The following MKKS variants were observed in gnomAD, a reference collection of about 807,000 sequenced individuals.
The protein encoded by MKKS is MKKS centrosomal shuttling protein, also known as molecular chaperone MKKS.
Under a neutral mutation model 33.2 loss-of-function variants are expected in MKKS, and 29 were observed. The ratio of observed to expected loss-of-function variants is 0.87; its 90% CI spans 0.65 to 1.19. The LOEUF (loss-of-function observed/expected upper bound fraction) is 1.19, where lower values mean the gene tolerates loss of function less well. Among genes scored for constraint, MKKS ranks in the 50% most tolerant of loss-of-function variants. The pLI is 0.00. For missense variants in MKKS, 661 were observed against 662.3 expected (o/e 1.00, Z 0.02); for synonymous variants, 260 against 244.0 (o/e 1.07, Z -0.61).
At position 10,413,310 on chromosome 20, in the gene MKKS, C is replaced by G. The variant is rs200322204; in HGVS notation, c.205G>C (p.Val69Leu). 1 of 1,614,140 alleles carries G rather than the reference C, an allele frequency of 6.2e-7. No homozygotes were observed. Among genetic ancestry groups the G allele is most frequent in the East Asian group, 2.2e-5 (1 of 44,870 alleles). ...QSSALLSHLL[V>L]THPILKILTA... ...AGGATCTTTAAAATGGGATGTGTGA[C>G]CAAAAGGTGACTGAGCAGAGCTGAG... Residue 69 changes from valine (V) to leucine (L), a missense_variant, in exon 3 of 6, where the codon GTC (valine) becomes CTC (leucine). Physicochemically the swap from Val to Leu is conservative, Grantham distance 32. Coordinates refer to ENST00000347364, the MANE Select transcript of MKKS (RefSeq NM_170784.3).
chr20:10,405,257 T>C lies in MKKS; in HGVS notation c.1703A>G (p.Asp568Gly). 1 of 1,610,738 alleles carries C rather than the reference T, an allele frequency of 6.2e-7. No homozygotes were observed. Among genetic ancestry groups the C allele is most frequent in the Non-Finnish European group, 8.5e-7 (1 of 1,178,228 alleles). ...GAACATGCTATTCTCTTAGTTTTTA[T>C]CTTCAATAACATATGAAAGATCCAA... ...LILDLSYVIE[D>G]KN The change falls in exon 6 of 6, where the codon GAT (aspartate) becomes GGT (glycine). Residue 568 changes from aspartate (D) to glycine (G), a missense_variant. Transcript: ENST00000347364.
chr20:10,405,164 G>T lies in MKKS; in HGVS notation c.*83C>A. The T allele has an allele frequency of 8.6e-7, 1 of 1,157,042 alleles. No homozygotes were observed. Among genetic ancestry groups the T allele is most frequent in the Non-Finnish European group, 1.2e-6 (1 of 823,410 alleles). 71.7% of individuals were successfully genotyped at this position (1,157,042 alleles called of 1,614,324 possible). On this transcript the variant is annotated 3_prime_UTR_variant, in exon 6 of 6. Coordinates refer to ENST00000347364, the MANE Select transcript of MKKS (RefSeq NM_170784.3). ...AAATATGTAGAACAGGGCTTTGGGA[G>T]AAAACAAATACACTCACAATTTTTC...
At chr20:10,418,973 C>T (rs967219112) in intron 2 of MKKS, among the ~76,000 whole-genome samples, 1 of 152,068 alleles carries the variant, frequency 6.6e-6, no homozygotes, top group African/African-American at 2.4e-5. Flanking sequence ...TTCTATGTTA[C>T]TACCTGGCTT....
At chr20:10,426,402 C>T (rs370180347) in intron 1 of MKKS, among the ~76,000 whole-genome samples, 3 of 149,624 alleles carry the variant, frequency 2.0e-5, no homozygotes, top group African/African-American at 7.4e-5. Context: ...TCATGCCTGG[C>T]ATGTTGTTCT....
rs939398496 is a variant in MKKS, at chr20:10,405,515, G to T, written c.1445C>A (p.Ala482Glu). The part of the protein sequence containing the change: ...MKYGHLWSVQ[A>E]DSPCVANWPD... ...CCAGTTAGCAACACAGGGAGAATCT[G>T]CCTGAACTGACCAAAGGTGTCCATA... is the stretch of plus-strand genomic sequence containing the variant. The change falls in exon 6 of 6, where the codon GCA becomes GAA. Residue 482 changes from alanine to glutamate, a missense_variant. By Grantham distance (107) the Ala-to-Glu change is moderately radical (BLOSUM62 -1). Coordinates refer to ENST00000347364, the MANE Select transcript of MKKS (RefSeq NM_170784.3). 3.7e-6 allele frequency: 6 copies of T among 1,614,070 alleles called. No homozygotes were observed. Among genetic ancestry groups the T allele is most frequent in the Non-Finnish European group, 5.1e-6 (6 of 1,180,036 alleles).
At chr20:10,414,480 G>C (rs1378909798) in intron 2 of MKKS, among the ~76,000 whole-genome samples, 1 of 151,974 alleles carries the variant, frequency 6.6e-6, no homozygotes, top group Admixed American at 6.6e-5. Context: ...TGCCAGGTTG[G>C]TCTCGAACTC....
At chr20:10,415,087 T>C (rs1222431389) in intron 2 of MKKS, among the ~76,000 whole-genome samples, 1 of 152,170 alleles carries the variant, frequency 6.6e-6, no homozygotes, top group Non-Finnish European at 1.5e-5. Context: ...CTTAACAAGG[T>C]AGTGTCCTTG....
Position 10,401,657 on chromosome 20 carries a change from TCAA to T in MKKS, c.*3587_*3589del, listed in dbSNP as rs1229061059. 6.6e-6 allele frequency: 1 copy of T among 152,188 alleles called. No individual in the cohort carries two copies. The highest frequency in any genetic ancestry group is 2.4e-5 in the African/African-American group (1 of 41,458). The allele number at this position is 152,188 out of a possible 1,614,324, so 9.4% of individuals were successfully genotyped here. On this transcript the variant is annotated 3_prime_UTR_variant, in exon 6 of 6. Coordinates refer to ENST00000347364, the MANE Select transcript of MKKS (RefSeq NM_170784.3). ...ATTTTAAAGTTATCCAAAGAACTGC[TCAA>T]CAATATGAACAACAATATGAAAATA...
chr20:10,432,297 T>C (rs1034789981), intron 1 of MKKS, among the ~76,000 whole-genome samples: 2 of 152,210 alleles, frequency 1.3e-5, no homozygotes, highest in African/African-American at 4.8e-5. Flanking sequence ...CTTTCTTCCT[T>C]GGTAATCATC....
At chr20:10,424,731 T>C (rs2065003860) in intron 1 of MKKS, among the ~76,000 whole-genome samples, 1 of 152,176 alleles carries the variant, frequency 6.6e-6, no homozygotes, top group Non-Finnish European at 1.5e-5. Flanking sequence ...CTTTTTTTCT[T>C]CTTAGTTCCT....
At chr20:10,424,578 T>C (rs1251347212) in intron 1 of MKKS, among the ~76,000 whole-genome samples, 1 of 151,990 alleles carries the variant, frequency 6.6e-6, no homozygotes, top group Non-Finnish European at 1.5e-5. Context: ...CATTGCTAGT[T>C]TTACAAAAAA....
chr20:10,406,312 C>T (rs985240368), intron 5 of MKKS, among the ~76,000 whole-genome samples: 1 of 152,302 alleles, frequency 6.6e-6, no homozygotes, highest in East Asian at 1.9e-4. Context: ...TAGCCATGCA[C>T]CACATACCAA....
At chr20:10,414,295 C>T (rs1417620414) in intron 2 of MKKS, among the ~76,000 whole-genome samples, 25 of 127,288 alleles carry the variant, frequency 2.0e-4, no homozygotes, top group Non-Finnish European at 3.5e-4. Context: ...GATGGAGTTT[C>T]GCTCTTGTTG....
At chr20:10,416,910 A>G (rs1230468931) in intron 2 of MKKS, among the ~76,000 whole-genome samples, 1 of 152,234 alleles carries the variant, frequency 6.6e-6, no homozygotes, top group Non-Finnish European at 1.5e-5. Flanking sequence ...TACAACAGAA[A>G]GCTGAAGGGT....
At chr20:10,430,823 G>T (rs1454427516) in intron 1 of MKKS, among the ~76,000 whole-genome samples, 1 of 152,212 alleles carries the variant, frequency 6.6e-6, no homozygotes, top group East Asian at 1.9e-4. Flanking sequence ...TCTAATAACA[G>T]TTAATAGAGC....
At chr20:10,431,364 C>T (rs1041708633) in intron 1 of MKKS, among the ~76,000 whole-genome samples, 2 of 152,006 alleles carry the variant, frequency 1.3e-5, no homozygotes, top group African/African-American at 4.8e-5. Context: ...TAATTCTATC[C>T]AAATGCTCAC....
rs2064831338 is a variant in MKKS at position 10,405,069 on chromosome 20, T to C, written c.*178A>G. The C allele has an allele frequency of 7.5e-6, 4 of 530,106 alleles. No individual in the cohort carries two copies. The highest frequency in any genetic ancestry group is 3.8e-5 in the African/African-American group (2 of 52,816). 32.8% of individuals were successfully genotyped at this position (530,106 alleles called of 1,614,324 possible). A position where few individuals can be genotyped will look rare whatever the true frequency, so the allele number is the denominator to read the frequency against. On this transcript the variant is annotated 3_prime_UTR_variant, in exon 6 of 6. Coordinates refer to ENST00000347364, the MANE Select transcript of MKKS (RefSeq NM_170784.3). ...AATGCTTCATATTTTTATTGTTTCA[T>C]GGCATTTCCATTCACGAATCACCTT...
At chr20:10,417,437 C>T (rs2064947403) in intron 2 of MKKS, among the ~76,000 whole-genome samples, 1 of 151,854 alleles carries the variant, frequency 6.6e-6, no homozygotes, top group Admixed American at 6.6e-5. Context: ...ACAGCAAGAC[C>T]CTGGTTCTAA....
intron 1 of MKKS, among the ~76,000 whole-genome samples, chr20:10,429,977 A>C (rs750417603): frequency 2.6e-5 from 4 of 152,204 alleles, no homozygotes; most frequent in Non-Finnish European, 5.9e-5. Flanking sequence ...CCACTGTTCT[A>C]GTCTACATCC....
Sources: allele counts gnomAD v4.1 joint callset (sites outside exome capture counted in the v4.1 genomes callset), GRCh38; gene constraint gnomAD v4.1.1; transcripts MANE v1.5; gene names NCBI Gene and HGNC (gene_info 2026-07-23, HGNC 2026-07-21).